The following KIF19 variants were observed in gnomAD, a reference collection of about 807,000 sequenced individuals.
KIF19 encodes the protein kinesin family member 19.
KIF19 carries 98 observed loss-of-function variants against 106.6 expected under a neutral mutation model. That is an observed-to-expected ratio of 0.92 (90% CI 0.78 to 1.09). The LOEUF (loss-of-function observed/expected upper bound fraction) is 1.09, where lower values mean the gene tolerates loss of function less well. Ranked by LOEUF, KIF19 falls within the 50% of genes least tolerant of loss-of-function variation. The probability of loss-of-function intolerance (pLI) is 0.00; values close to 1 mark genes in which losing one functional copy is unlikely to be tolerated. For missense variants in KIF19, 1,373 were observed against 1,414.3 expected, an observed-to-expected ratio of 0.97 and a Z score of 0.47; for synonymous variants, 516 against 584.2, an observed-to-expected ratio of 0.88 and a Z score of 1.68.
chr17:74,340,085 G>A (rs73362553), intron 2 of KIF19, among the ~76,000 whole-genome samples: 1 of 152,106 alleles, frequency 6.6e-6, no homozygotes, highest in Non-Finnish European at 1.5e-5. Context: ...TCTTCCCAGC[G>A]CTGCAGGTGG....
Position 74,345,450 on chromosome 17 carries a change from C to T in KIF19, c.777+495C>T, listed in dbSNP as rs1438648081. Among the ~76,000 whole-genome samples, 5 of 152,136 alleles carry T rather than the reference C, an allele frequency of 3.3e-5. No individual in the cohort carries two copies. In the South Asian group the frequency reaches 6.2e-4, roughly 19 times the overall value. On this transcript the variant is annotated intron_variant, in intron 7 of 19. Transcript: ENST00000389916. ...ATCACAAAGAGGAGAAGGTCCCCGT[C>T]ACCCATTTCTGGCAGCATCTTTGTC... is the stretch of plus-strand genomic sequence containing the variant.
intron 6 of KIF19, 148 bp from the exon 7 acceptor site, chr17:74,344,613 T>C: frequency 1.1e-6 from 1 of 924,896 alleles, no homozygotes; most frequent in Non-Finnish European, 1.6e-6. Context: ...ACGCCAGGCC[T>C]CTCAGCACAC....
At chr17:74,334,936 C>T (rs1159779366) in intron 2 of KIF19, among the ~76,000 whole-genome samples, 1 of 152,172 alleles carries the variant, frequency 6.6e-6, no homozygotes, top group Non-Finnish European at 1.5e-5. Flanking sequence ...AATATGATTT[C>T]TCCTCTCAAG....
chr17:74,340,547 G>GCA (rs1567905505), intron 2 of KIF19, among the ~76,000 whole-genome samples: 5 of 2,116 alleles, frequency 2.4e-3, no homozygotes, highest in African/African-American at 4.1e-3. Context: ...CAGCAGGTAT[G>GCA]CGCGCGCGTA....
At chr17:74,351,736 T>G in intron 12 of KIF19, 131 bp from the exon 13 acceptor site, 7 of 1,044,068 alleles carry the variant, frequency 6.7e-6, no homozygotes, top group Non-Finnish European at 9.0e-6. Flanking sequence ...AGATTCAGCT[T>G]TTAGGGTTGG....
In KIF19 at chr17:74,346,500, C is replaced by G; in HGVS notation, c.900C>G (p.Asp300Glu). Residue 300 changes from aspartate (D) to glutamate (E), a missense_variant, in exon 8 of 20, where the codon GAC (aspartate) becomes GAG (glutamate). By Grantham distance (45) the Asp-to-Glu change is conservative. Coordinates refer to ENST00000389916, the MANE Select transcript of KIF19 (RefSeq NM_153209.4). The surrounding 1 kb of genome is among the most constrained non-coding windows in gnomAD (Gnocchi z 4.6). ...GCAACAAGTACATCAACTATCGCGACAGCAAGCTCACCCGGCTCCTGAAGG... is the reference window on the plus strand; with the variant it reads ...GCAACAAGTACATCAACTATCGCGAGAGCAAGCTCACCCGGCTCCTGAAGG... Reference protein sequence around the residue: ...KGSNKYINYRDSKLTRLLKDS... With the variant: ...KGSNKYINYRESKLTRLLKDS... The G allele has an allele frequency of 6.4e-7, 1 of 1,551,264 alleles. No individual in the cohort carries two copies. Among genetic ancestry groups the G allele is most frequent in the Non-Finnish European group, 8.7e-7 (1 of 1,147,044 alleles).
At chr17:74,344,679 C>T in intron 6 of KIF19, 82 bp from the exon 7 acceptor site, 1 of 1,412,922 alleles carries the variant, frequency 7.1e-7, no homozygotes. Flanking sequence ...TAGGACCCTC[C>T]CTGCTAGCCC....
chr17:74,354,636 G>A (rs2054824963), intron 18 of KIF19, 77 bp downstream of exon 18: 10 of 1,539,848 alleles, frequency 6.5e-6, no homozygotes, highest in Non-Finnish European at 8.7e-6. Flanking sequence ...TTCTCCAAAG[G>A]CTCCAGGGCA....
At position 74,354,286 on chromosome 17, in the gene KIF19, C is replaced by T. The variant is rs375438267; in HGVS notation, c.2433C>T (p.Ser811=). 1.2e-5 allele frequency: 19 copies of T among 1,608,736 alleles called. No individual in the cohort carries two copies. In the African/African-American group the frequency reaches 2.0e-4, roughly 17 times the overall value. ...CCGCGACAGAGCGCAGCAGCCTGTC[C>T]CTGCACTCACTGAGCGAGGGCGACG... ...LAPATERSSL[S]LHSLSEGDDA... is the part of the protein sequence containing the mutation. The change falls in exon 18 of 20, where the codon TCC becomes TCT. Residue 811 remains serine (S), a synonymous_variant. Coordinates refer to ENST00000389916, the MANE Select transcript of KIF19 (RefSeq NM_153209.4).
chr17:74,351,931 C>T lies in KIF19; in HGVS notation c.1652C>T (p.Pro551Leu). 2 of 1,454,004 alleles carry T rather than the reference C, an allele frequency of 1.4e-6. No individual in the cohort carries two copies. Among genetic ancestry groups the T allele is most frequent in the Non-Finnish European group, 9.0e-7 (1 of 1,109,978 alleles). The allele number at this position is 1,454,004 out of a possible 1,614,324, so 90.1% of individuals were successfully genotyped here. ...ARGRRLEETLPRRIGSEEQRE... is the reference protein window; with the variant it reads ...ARGRRLEETLLRRIGSEEQRE... ...GGCCGGCGCCTGGAGGAGACGCTGCCGCGGCGCATCGGCTCCGAGGAGCAG... is the reference window on the plus strand; with the variant it reads ...GGCCGGCGCCTGGAGGAGACGCTGCTGCGGCGCATCGGCTCCGAGGAGCAG... The change falls in exon 13 of 20, where the codon CCG (proline) becomes CTG (leucine). Residue 551 changes from proline (P) to leucine (L), a missense_variant. Pro to Leu is a moderately conservative substitution (Grantham distance 98). This residue lies in a region of KIF19 where 1,020 missense variants were observed against 1,008.2 expected (regional missense o/e 1.01). Transcript: ENST00000389916.
intron 16 of KIF19, 42 bp from the exon 17 acceptor site, chr17:74,353,452 T>A: frequency 2.5e-6 from 4 of 1,578,236 alleles, no homozygotes; most frequent in Non-Finnish European, 3.5e-6. Context: ...GGGTCCCTGC[T>A]GTGTTTAAGG....
chr17:74,343,411 A>T (rs1312270827), intron 5 of KIF19, among the ~76,000 whole-genome samples: 2 of 152,046 alleles, frequency 1.3e-5, no homozygotes, highest in Non-Finnish European at 2.9e-5. Flanking sequence ...CACGCTCACC[A>T]CCTCACCATC....
chr17:74,354,123 C>T (rs779191896), intron 17 of KIF19, 39 bp from the exon 18 acceptor site: 3 of 1,567,390 alleles, frequency 1.9e-6, no homozygotes, highest in Middle Eastern at 1.8e-4. Flanking sequence ...GAGAGGTGGC[C>T]TTGATCTCGG....
At chr17:74,340,555 G>GCACACACACACACA in intron 2 of KIF19, among the ~76,000 whole-genome samples, 27,108 of 148,078 alleles carry the variant, frequency 0.18, 3,032 homozygotes, top group Admixed American at 0.34. Flanking sequence ...ATGCGCGCGC[G>GCACACACACACACA]TACACACACA....
At chr17:74,353,096 C>A in intron 15 of KIF19, 100 bp from the exon 16 acceptor site, 1 of 1,395,720 alleles carries the variant, frequency 7.2e-7, no homozygotes, top group South Asian at 1.2e-5. Flanking sequence ...CTCCTGGGTT[C>A]TCTCTCCTTT....
chr17:74,330,791 G>A (rs1428793148), intron 2 of KIF19, among the ~76,000 whole-genome samples: 1 of 152,202 alleles, frequency 6.6e-6, no homozygotes, highest in Non-Finnish European at 1.5e-5. Flanking sequence ...GAAGGCCTCT[G>A]AGCTGGGTGG....
rs1012617332 is a variant in KIF19 at position 74,354,841 on chromosome 17, C to G, written c.2766C>G (p.His922Gln). ...GPHQAERISD[H>Q]RMPVCRHPAP... is the part of the protein sequence containing the mutation. ...ATCAGGCGGAGCGCATCTCGGACCA[C>G]AGGATGCCAGTGTGCAGGCACCCAG... Residue 922 changes from histidine (H) to glutamine (Q), a missense_variant, in exon 19 of 20, where the codon CAC becomes CAG. By Grantham distance (24) the His-to-Gln change is conservative. Transcript: ENST00000389916. 1.3e-6 allele frequency: 2 copies of G among 1,561,756 alleles called. No individual in the cohort carries two copies. Among genetic ancestry groups the G allele is most frequent in the African/African-American group, 2.7e-5 (2 of 73,420 alleles).
In KIF19 at chr17:74,331,570, G is replaced by C. The variant is rs907764360; in HGVS notation, c.120+3065G>C. 7.2e-6 allele frequency among the ~76,000 whole-genome samples: 1 copy of C among 138,776 alleles called. No individual in the cohort carries two copies. The highest frequency in any genetic ancestry group is 2.3e-4 in the South Asian group (1 of 4,422). 91.0% of individuals were successfully genotyped at this position (138,776 alleles called of 152,430 possible). ...TTGGATTCTGGGGAAGCTGGAGTTCGGATTTGGATTTTTTTTTTTTTCTTG... is the reference window on the plus strand; with the variant it reads ...TTGGATTCTGGGGAAGCTGGAGTTCCGATTTGGATTTTTTTTTTTTTCTTG... On this transcript the variant is annotated intron_variant, in intron 2 of 19. Transcript: ENST00000389916. The surrounding 1 kb of genome is among the most constrained non-coding windows in gnomAD (Gnocchi z 4.1).
intron 8 of KIF19, among the ~76,000 whole-genome samples, chr17:74,347,156 G>A (rs1024187260): frequency 3.2e-4 from 49 of 152,276 alleles, no homozygotes; most frequent in African/African-American, 1.1e-3. Flanking sequence ...CAGAGTCACC[G>A]CTTACTTAAC....
Sources: gnomAD v4.1 joint callset for allele counts (sites outside exome capture counted in the v4.1 genomes callset) on GRCh38, gnomAD v4.1.1 for gene constraint, gnomAD v4.1.1 regional missense constraint, Gnocchi (gnomAD v3.1) non-coding constraint, MANE v1.5 for transcripts, NCBI Gene and HGNC (gene_info 2026-07-23, HGNC 2026-07-21) for gene names.